The following CTNNA3 variants were observed in gnomAD, a reference collection of about 807,000 sequenced individuals.
The protein encoded by CTNNA3 is catenin alpha 3.
A neutral mutation model predicts 95.7 loss-of-function variants in CTNNA3; 76 were observed. That is an observed-to-expected ratio of 0.79 (90% confidence interval 0.66 to 0.96). CTNNA3 has a LOEUF of 0.96. CTNNA3 is among the 40% of genes least tolerant of loss of function. The pLI, the probability that CTNNA3 is intolerant of heterozygous loss-of-function variation, is 0.00. For synonymous variants in CTNNA3, 431 were observed against 374.4 expected, an observed-to-expected ratio of 1.15 and a Z score of -1.74; for missense variants, 1,191 against 1,089.8, an observed-to-expected ratio of 1.09 and a Z score of -1.31.
rs1050254273 is a variant in CTNNA3 at position 65,917,546 on chromosome 10, G to A, written c.*2784C>T. ...AACCAGGGATGGAACTGCTCCTGTG[G>A]GTGGTAAACACCCCTCTCCTCCCTC... On this transcript the variant is annotated 3_prime_UTR_variant, in exon 18 of 18. Transcript: ENST00000433211. The A allele has an allele frequency of 2.0e-5, 3 of 151,768 alleles. No individual in the cohort carries two copies. The highest frequency in any genetic ancestry group is 7.3e-5 in the African/African-American group (3 of 41,332). 9.4% of individuals were successfully genotyped at this position (151,768 alleles called of 1,614,324 possible).
In CTNNA3 at chr10:66,966,488, T is replaced by A. The variant is rs565911075; in HGVS notation, c.1048-190964A>T. 1.7e-3 allele frequency among the ~76,000 whole-genome samples: 259 copies of A among 150,892 alleles called. 1 individual carries two copies. Among genetic ancestry groups the A allele is most frequent in the Non-Finnish European group, 3.0e-3 (201 of 67,942 alleles). On this transcript the variant is annotated intron_variant, in intron 7 of 17. Coordinates refer to ENST00000433211, the MANE Select transcript of CTNNA3 (RefSeq NM_013266.4). The stretch of plus-strand genomic sequence containing the variant: ...GGTTAACTCGGCTATGTAATATATT[T>A]TTTTTTTCAGGATATACCTTTCAGA...
chr10:66,689,259 CAT>C (rs1847424717), intron 9 of CTNNA3, among the ~76,000 whole-genome samples: 1 of 152,006 alleles, frequency 6.6e-6, no homozygotes, highest in Non-Finnish European at 1.5e-5. Flanking sequence ...TTTTTTGAAA[CAT>C]ACTGAATTGA....
At chr10:65,928,214 A>G (rs1338007483) in intron 17 of CTNNA3, among the ~76,000 whole-genome samples, 1 of 152,160 alleles carries the variant, frequency 6.6e-6, no homozygotes. Context: ...TTTCATATAC[A>G]GATATTGTTC....
At chr10:66,283,363 A>T (rs1381587035) in intron 12 of CTNNA3, among the ~76,000 whole-genome samples, 1 of 151,898 alleles carries the variant, frequency 6.6e-6, no homozygotes, top group Non-Finnish European at 1.5e-5. Flanking sequence ...TGTGCAATAC[A>T]GTAATAATTT....
chr10:66,012,246 G>T (rs1263105417), intron 15 of CTNNA3, among the ~76,000 whole-genome samples: 2 of 152,274 alleles, frequency 1.3e-5, no homozygotes, highest in East Asian at 3.9e-4. Context: ...GGTAGTTTCA[G>T]ATGCTAATAG....
intron 6 of CTNNA3, among the ~76,000 whole-genome samples, chr10:67,210,652 T>C (rs1016284470): frequency 6.6e-6 from 1 of 152,156 alleles, no homozygotes; most frequent in Non-Finnish European, 1.5e-5. Flanking sequence ...GGATCCATTT[T>C]TCCATAGCTA....
intron 5 of CTNNA3, among the ~76,000 whole-genome samples, chr10:67,475,793 A>G (rs1847985896): frequency 1.3e-5 from 2 of 152,216 alleles, no homozygotes; most frequent in Admixed American, 1.3e-4. Context: ...AAAGCAATGA[A>G]TAAAAGCTTC....
At chr10:66,866,021 G>T (rs1844161052) in intron 7 of CTNNA3, among the ~76,000 whole-genome samples, 1 of 151,988 alleles carries the variant, frequency 6.6e-6, no homozygotes, top group Admixed American at 6.6e-5. Context: ...TGGAATCACA[G>T]AAATGCAAAA....
At chr10:66,005,199 C>A (rs948391422) in intron 15 of CTNNA3, among the ~76,000 whole-genome samples, 2 of 152,048 alleles carry the variant, frequency 1.3e-5, no homozygotes, top group Admixed American at 1.3e-4. Context: ...ATCATTGGAC[C>A]AACACAGATG....
intron 10 of CTNNA3, among the ~76,000 whole-genome samples, chr10:66,534,391 G>A (rs541121965): frequency 2.0e-5 from 3 of 151,396 alleles, no homozygotes; most frequent in Non-Finnish European, 2.9e-5. Context: ...TAAAAATAGA[G>A]TATAATAAAA....
intron 7 of CTNNA3, among the ~76,000 whole-genome samples, chr10:66,939,688 T>C (rs578096429): frequency 1.3e-5 from 2 of 152,330 alleles, no homozygotes; most frequent in East Asian, 3.9e-4. Context: ...TGTCAGCCTC[T>C]GGACCACAGT....
chr10:66,733,243 C>T (rs1227801579), intron 9 of CTNNA3, among the ~76,000 whole-genome samples: 2 of 152,094 alleles, frequency 1.3e-5, no homozygotes, highest in African/African-American at 4.8e-5. Flanking sequence ...AATTTTCTTT[C>T]GAATTTCATC....
intron 3 of CTNNA3, among the ~76,000 whole-genome samples, chr10:67,564,726 A>C (rs1841694417): frequency 1.1e-5 from 1 of 88,376 alleles, no homozygotes; most frequent in African/African-American, 5.2e-5. Flanking sequence ...TATCACTATG[A>C]TCAGGTGGGT....
intron 9 of CTNNA3, among the ~76,000 whole-genome samples, chr10:66,743,203 C>T (rs929851894): frequency 6.6e-6 from 1 of 152,064 alleles, no homozygotes; most frequent in South Asian, 2.1e-4. Context: ...ATGTATTTTA[C>T]AGGGATAAAC....
intron 15 of CTNNA3, among the ~76,000 whole-genome samples, chr10:66,043,763 T>C (rs983742168): frequency 6.6e-6 from 1 of 152,108 alleles, no homozygotes; most frequent in Admixed American, 6.6e-5. Flanking sequence ...CCAGATACTA[T>C]CCCTGTTCTT....
intron 14 of CTNNA3, among the ~76,000 whole-genome samples, chr10:66,093,425 G>A (rs1448880537): frequency 6.6e-6 from 1 of 151,976 alleles, no homozygotes; most frequent in African/African-American, 2.4e-5. Flanking sequence ...TATAAAGAAA[G>A]CTTTATGAGA....
At chr10:67,566,304 T>G (rs1465027707) in intron 3 of CTNNA3, among the ~76,000 whole-genome samples, 12 of 140,526 alleles carry the variant, frequency 8.5e-5, no homozygotes, top group African/African-American at 3.2e-4. Flanking sequence ...GAATCTACAA[T>G]GAACTCAAAC....
chr10:66,438,504 G>C (rs2093353654), intron 11 of CTNNA3, among the ~76,000 whole-genome samples: 1 of 152,094 alleles, frequency 6.6e-6, no homozygotes. Flanking sequence ...ACTGTGAGGG[G>C]AAAACTGCCT....
chr10:67,203,579 C>T (rs1398047121), intron 6 of CTNNA3, among the ~76,000 whole-genome samples: 2 of 152,156 alleles, frequency 1.3e-5, no homozygotes, highest in Admixed American at 1.3e-4. Context: ...ACTGTCAGTT[C>T]TTTTTTCATA....
Sources: gnomAD v4.1 joint callset for allele counts (sites outside exome capture counted in the v4.1 genomes callset) on GRCh38, gnomAD v4.1.1 for gene constraint, MANE v1.5 for transcripts, NCBI Gene and HGNC (gene_info 2026-07-23, HGNC 2026-07-21) for gene names.